Variants in NBPF9 observed in about 807,000 individuals in gnomAD.
NBPF9 encodes the protein NBPF family member NBPF9.
In NBPF9, 91 loss-of-function variants were observed where a neutral mutation model predicts 97.8. That is an observed-to-expected ratio of 0.93 (90% CI 0.79 to 1.11). The LOEUF is 1.11. Among genes scored for constraint, NBPF9 ranks in the 50% least tolerant of loss-of-function variants. NBPF9 has a pLI of 0.00. For missense variants in NBPF9, 992 were observed against 939.5 expected (o/e 1.06, Z -0.73); for synonymous variants, 334 against 359.5 (o/e 0.93, Z 0.80).
chr1:149,073,694 T>G, intron 13 of NBPF9, 74 bp downstream of exon 13: 1 of 1,186,994 alleles, frequency 8.4e-7, no homozygotes, highest in Non-Finnish European at 1.3e-6. Flanking sequence ...AGCTCTTACG[T>G]CTCCCCACCG....
chr1:149,096,144 T>G (rs2081750927), intron 4 of NBPF9, among the ~76,000 whole-genome samples: 1 of 150,652 alleles, frequency 6.6e-6, no homozygotes, highest in South Asian at 2.1e-4. Context: ...TAGGACATTC[T>G]TGGAAAGTCA....
At chr1:149,055,477 C>G (rs2078142938) in exon 30 of NBPF9, 1 of 1,310,516 alleles carries the variant, frequency 7.6e-7, no homozygotes. Flanking sequence ...AACGTGGGTC[C>G]ATTGTCTTCA....
chr1:149,072,800 G>C lies in NBPF9; in HGVS notation c.1224C>G (p.Asp408Glu), dbSNP rs782064058. ...CTTGGAGGTCCTGCCCCTGGGACTT[G>C]TCCGGCTCATCCGGAGTGAGGAGGG... The change falls in exon 14 of 30, where the codon GAC becomes GAG. Residue 408 changes from aspartate (D) to glutamate (E), a missense_variant. Around this residue, in one of 11 missense-constraint regions of NBPF9, gnomAD observed 187 missense variants for 149.6 expected, o/e 1.25. Coordinates refer to ENST00000584027, the Ensembl canonical transcript of NBPF9. The C allele has an allele frequency of 3.5e-5, 55 of 1,583,526 alleles. No homozygotes were observed. The South Asian group carries it at 4.3e-4, about 12-fold the overall frequency.
chr1:149,075,201 C>G (rs1211449204), intron 12 of NBPF9, among the ~76,000 whole-genome samples: 2 of 151,780 alleles, frequency 1.3e-5, no homozygotes, highest in Non-Finnish European at 2.9e-5. Context: ...CAGGTACTGG[C>G]TACTATCACC....
chr1:149,070,549 A>G (rs2079322394), intron 16 of NBPF9, among the ~76,000 whole-genome samples: 1 of 150,424 alleles, frequency 6.6e-6, no homozygotes. Flanking sequence ...GGGGAACGAT[A>G]TTTCCAAAAA....
exon 1 of NBPF9, chr1:149,103,425 C>T (rs1335833343): frequency 1.3e-5 from 2 of 152,500 alleles, no homozygotes; most frequent in Admixed American, 6.5e-5. Flanking sequence ...AAAAGCACCG[C>T]GTTCACTCAG....
rs587739784 is a variant in NBPF9, at chr1:149,062,407, T to C, written c.2079-142A>G. On this transcript the variant is annotated intron_variant, in intron 21 of 29. Coordinates refer to ENST00000584027, the Ensembl canonical transcript of NBPF9. The stretch of plus-strand genomic sequence containing the variant: ...TAATGAGGTAATGAATTATTGCCTT[T>C]AGGTTGGGATAGACCAGGGTCAGGT... The C allele has an allele frequency of 1.8e-4, 122 of 677,756 alleles. 16 individuals carry two copies. In the South Asian group the frequency reaches 1.8e-3, roughly 10 times the overall value. 42.0% of individuals were successfully genotyped at this position (677,756 alleles called of 1,614,324 possible).
chr1:149,076,668 A>G (rs1252313549), intron 11 of NBPF9, among the ~76,000 whole-genome samples: 1 of 129,446 alleles, frequency 7.7e-6, no homozygotes, highest in Admixed American at 7.9e-5. Context: ...ACGCCCAGCT[A>G]TTTTTTTTTT....
At chr1:149,082,970 T>TTTTTTTTTTTTTTTA in intron 5 of NBPF9, among the ~76,000 whole-genome samples, 2 of 128,362 alleles carry the variant, frequency 1.6e-5, no homozygotes, top group South Asian at 2.7e-4. Flanking sequence ...TTTTTTTTTT[T>TTTTTTTTTTTTTTTA]TTTTTTTTTT....
At chr1:149,082,168 C>G (rs76116499) in exon 7 of NBPF9, 25 of 1,611,816 alleles carry the variant, frequency 1.6e-5, no homozygotes, top group Non-Finnish European at 2.1e-5. Context: ...AGAGGTGGGG[C>G]CAGGGACTGG....
intron 27 of NBPF9, among the ~76,000 whole-genome samples, 197 bp from the exon 28 acceptor site, chr1:149,057,704 GACACACAC>G (rs879952249): frequency 0.016 from 442 of 27,686 alleles, 4 homozygotes; most frequent in East Asian, 0.11. Flanking sequence ...AAGACAGATA[GACACACAC>G]ACACACACAC....
At chr1:149,071,174 T>C (rs782356782) in intron 15 of NBPF9, 35 bp from the exon 16 acceptor site, 2 of 1,343,468 alleles carry the variant, frequency 1.5e-6, no homozygotes, top group Non-Finnish European at 1.1e-6. Context: ...TGACAGAAGA[T>C]TAAACACAGA....
Position 149,064,504 on chromosome 1 carries a change from C to A in NBPF9, c.1802-22G>T, listed in dbSNP as rs181003918. 8,380 of 1,509,378 alleles carry A rather than the reference C, an allele frequency of 5.6e-3. 91 individuals carry two copies. The highest frequency in any genetic ancestry group is 7.0e-3 in the Non-Finnish European group (7,816 of 1,108,654). 93.5% of individuals were successfully genotyped at this position (1,509,378 alleles called of 1,614,324 possible). A position where few individuals can be genotyped will look rare whatever the true frequency, so the allele number is the denominator to read the frequency against. On this transcript the variant is annotated intron_variant, in intron 18 of 29. Transcript: ENST00000584027. The stretch of plus-strand genomic sequence containing the variant: ...TGTCCTGCAAATAAATTCAGATGGG[C>A]CCTCTTACATTAAGCAGTCCTTCCT...
intron 12 of NBPF9, among the ~76,000 whole-genome samples, chr1:149,075,186 C>A (rs782525848): frequency 1.3e-5 from 2 of 151,834 alleles, no homozygotes; most frequent in Non-Finnish European, 2.9e-5. Context: ...TGAAGCCCCT[C>A]AGAGCAGGTA....
At chr1:149,073,700 C>G in intron 13 of NBPF9, 68 bp downstream of exon 13, 1 of 1,255,572 alleles carries the variant, frequency 8.0e-7, no homozygotes, top group Non-Finnish European at 1.2e-6. Context: ...TACGTCTCCC[C>G]ACCGAGCTGC....
At chr1:149,064,757 C>T (rs1377932874) in intron 18 of NBPF9, 8 of 610,538 alleles carry the variant, frequency 1.3e-5, no homozygotes, top group African/African-American at 1.1e-4. Context: ...GATTTTTTTC[C>T]CCAATAAATT....
chr1:149,064,009 CAG>C (rs67558402), intron 19 of NBPF9, among the ~76,000 whole-genome samples: 1,833 of 111,384 alleles, frequency 0.016, 127 homozygotes, highest in African/African-American at 0.064. Flanking sequence ...CACACACACA[CAG>C]ACACAGACAC....
chr1:149,060,200 A>T (rs1193536346), intron 24 of NBPF9: 2 of 152,578 alleles, frequency 1.3e-5, no homozygotes, highest in Non-Finnish European at 2.5e-5. Context: ...CACTGAAATT[A>T]GAGTGAAAAA....
chr1:149,065,624 G>T, exon 18 of NBPF9: 1 of 1,579,638 alleles, frequency 6.3e-7, no homozygotes, highest in South Asian at 1.1e-5. Context: ...AGGAATTGAG[G>T]GAGTCGAATA....
Sources: gnomAD v4.1 joint callset for allele counts (sites outside exome capture counted in the v4.1 genomes callset) on GRCh38, gnomAD v4.1.1 for gene constraint, gnomAD v4.1.1 regional missense constraint, MANE v1.5 for transcripts, NCBI Gene and HGNC (gene_info 2026-07-23, HGNC 2026-07-21) for gene names.